The following BBOX1 variants were observed in gnomAD, a reference collection of about 807,000 sequenced individuals.
The protein encoded by BBOX1 is gamma-butyrobetaine hydroxylase 1.
Under a neutral mutation model 41.6 loss-of-function variants are expected in BBOX1, and 35 were observed. The ratio of observed to expected loss-of-function variants is 0.84; its 90% CI spans 0.64 to 1.11. BBOX1 has a LOEUF of 1.11. Among genes scored for constraint, BBOX1 ranks in the 50% most tolerant of loss-of-function variants. The pLI, the probability that BBOX1 is intolerant of heterozygous loss-of-function variation, is 0.00. For missense variants in BBOX1, 458 were observed against 460.6 expected (o/e 0.99, Z 0.05); for synonymous variants, 163 against 154.7 (o/e 1.05, Z -0.40).
chr11:27,127,371 A>G lies in BBOX1; in HGVS notation c.1082A>G (p.His361Arg), dbSNP rs1488604350. 5 of 1,614,182 alleles carry G rather than the reference A, an allele frequency of 3.1e-6. No individual in the cohort carries two copies. The highest frequency in any genetic ancestry group is 1.3e-5 in the African/African-American group (1 of 75,064). The change falls in exon 9 of 9, where the codon CAT becomes CGT. Residue 361 changes from histidine (H) to arginine (R), a missense_variant. By Grantham distance (29) the His-to-Arg change is conservative. Transcript: ENST00000263182. ...SYEAGTEISR[H>R]LEGAYADWDV... Reference sequence around the variant, plus strand: ...GAAGCAGGAACTGAGATATCCCGCCATCTAGAAGGAGCTTATGCTGACTGG... The same window carrying G: ...GAAGCAGGAACTGAGATATCCCGCCGTCTAGAAGGAGCTTATGCTGACTGG...
chr11:27,115,050 G>C (rs556013745), intron 5 of BBOX1, among the ~76,000 whole-genome samples: 2 of 151,788 alleles, frequency 1.3e-5, no homozygotes, highest in African/African-American at 2.4e-5. Context: ...CTATGTAGAG[G>C]TGGTGGTTGC....
At chr11:27,085,662 C>T (rs1346883311) in intron 4 of BBOX1, among the ~76,000 whole-genome samples, 1 of 151,714 alleles carries the variant, frequency 6.6e-6, no homozygotes, top group African/African-American at 2.4e-5. Context: ...CCACAATGAC[C>T]TCTAAGTCTT....
At position 27,066,193 on chromosome 11, in the gene BBOX1, T is replaced by C. The variant is rs1381900100; in HGVS notation, c.334+8878T>C. Among the ~76,000 whole-genome samples, 5 of 152,160 alleles carry C rather than the reference T, an allele frequency of 3.3e-5. No individual in the cohort carries two copies. The East Asian group carries it at 9.6e-4, about 29-fold the overall frequency. ...GCTCCATTTCTACAAGCTAGGCTTT[T>C]TTGTGTTTTTGTGTGTGTGGTTTTT... On this transcript the variant is annotated intron_variant, in intron 4 of 8. Coordinates refer to ENST00000263182, the MANE Select transcript of BBOX1 (RefSeq NM_003986.3).
Position 27,127,324 on chromosome 11 carries a change from ACT to A in BBOX1, c.1036_1037del (p.Leu346SerfsTer5). 1 of 1,614,044 alleles carries A rather than the reference ACT, an allele frequency of 6.2e-7. No individual in the cohort carries two copies. The highest frequency in any genetic ancestry group is 8.5e-7 in the Non-Finnish European group (1 of 1,179,974). ...TGATTACTTTTGATAACTGGCGCTT[ACT>A]TCATGGCCGACGTAGCTATGAAGCA... ...DVITFDNWRL[L>X]HGRRSYEAGT... On this transcript the variant is annotated frameshift_variant, in exon 9 of 9. Coordinates refer to ENST00000263182, the MANE Select transcript of BBOX1 (RefSeq NM_003986.3). LOFTEE classifies it high-confidence loss of function.
chr11:27,076,024 G>T (rs773013210), intron 4 of BBOX1, among the ~76,000 whole-genome samples: 12 of 152,200 alleles, frequency 7.9e-5, no homozygotes, highest in Non-Finnish European at 1.6e-4. Flanking sequence ...GGGACTCAAG[G>T]CCTGCCATCC....
At chr11:27,094,952 T>C (rs1179210901) in intron 5 of BBOX1, among the ~76,000 whole-genome samples, 2 of 151,960 alleles carry the variant, frequency 1.3e-5, no homozygotes, top group Admixed American at 6.6e-5. Context: ...AACTGTATTA[T>C]GTATTGTTCA....
intron 4 of BBOX1, among the ~76,000 whole-genome samples, chr11:27,064,247 G>T (rs1857217236): frequency 6.6e-6 from 1 of 151,728 alleles, no homozygotes; most frequent in Admixed American, 6.6e-5. Flanking sequence ...CAGTATCAGG[G>T]CTGCCAGGTC....
At position 27,055,515 on chromosome 11, in the gene BBOX1, T is replaced by C; in HGVS notation, c.85T>C (p.Tyr29His). ...CTGGTATGATGAGGAAGAGTCTCTC[T>C]ACCCAGCTGTATGGTTGAGAGACAA... Reference protein sequence around the residue: ...ILWYDEEESLYPAVWLRDNCP... With the variant: ...ILWYDEEESLHPAVWLRDNCP... The change falls in exon 3 of 9, where the codon TAC becomes CAC. Residue 29 changes from tyrosine (Y) to histidine (H), a missense_variant. Tyr to His is a moderately conservative substitution (Grantham distance 83). Transcript: ENST00000263182. 4 of 1,614,200 alleles carry C rather than the reference T, an allele frequency of 2.5e-6. No individual in the cohort carries two copies. Among genetic ancestry groups the C allele is most frequent in the Non-Finnish European group, 3.4e-6 (4 of 1,180,018 alleles).
At chr11:27,117,082 C>T (rs951477970) in intron 6 of BBOX1, among the ~76,000 whole-genome samples, 1 of 151,892 alleles carries the variant, frequency 6.6e-6, no homozygotes, top group African/African-American at 2.4e-5. Context: ...TTTTATTACA[C>T]CAAAAATAAG....
chr11:27,044,710 T>C (rs1441804802), intron 2 of BBOX1, among the ~76,000 whole-genome samples: 1 of 152,198 alleles, frequency 6.6e-6, no homozygotes, highest in Non-Finnish European at 1.5e-5. Context: ...CCATTGCTTG[T>C]TTTTGTCAGG....
At chr11:27,106,560 A>G (rs1249308577) in intron 5 of BBOX1, among the ~76,000 whole-genome samples, 3 of 152,202 alleles carry the variant, frequency 2.0e-5, no homozygotes, top group African/African-American at 7.2e-5. Flanking sequence ...ATATGTACCC[A>G]ATACAGGAGC....
chr11:27,127,504 A>T lies in BBOX1; in HGVS notation c.*51A>T, dbSNP rs775524549. On this transcript the variant is annotated 3_prime_UTR_variant, in exon 9 of 9. Coordinates refer to ENST00000263182, the MANE Select transcript of BBOX1 (RefSeq NM_003986.3). ...GATTCCAATGACCATATTTTGTGAG[A>T]TATGGCACATTATTCACAGACCATG... 7.1e-6 allele frequency: 11 copies of T among 1,545,962 alleles called. No homozygotes were observed. In the South Asian group the frequency reaches 1.2e-4, roughly 17 times the overall value.
At chr11:27,104,625 T>C (rs148450882) in intron 5 of BBOX1, among the ~76,000 whole-genome samples, 1 of 152,286 alleles carries the variant, frequency 6.6e-6, no homozygotes, top group Non-Finnish European at 1.5e-5. Context: ...GTTATCTTCG[T>C]TTCTCTAGTT....
chr11:27,119,715 A>G lies in BBOX1; in HGVS notation c.706A>G (p.Asn236Asp). 6.2e-7 allele frequency: 1 copy of G among 1,604,726 alleles called. No individual in the cohort carries two copies. Among genetic ancestry groups the G allele is most frequent in the Non-Finnish European group, 8.5e-7 (1 of 1,177,074 alleles). Reference protein sequence around the residue: ...GGDSEIVDGFNVCQKLKKNNP... With the variant: ...GGDSEIVDGFDVCQKLKKNNP... The stretch of plus-strand genomic sequence containing the variant: ...TGATTCAGAAATTGTAGATGGGTTT[A>G]ATGTGTGCCAAAAACTAAAGAAAAA... Residue 236 changes from asparagine (N) to aspartate (D), a missense_variant, in exon 7 of 9, where the codon AAT (asparagine) becomes GAT (aspartate). Coordinates refer to ENST00000263182, the MANE Select transcript of BBOX1 (RefSeq NM_003986.3).
At chr11:27,102,436 C>T (rs1384208120) in intron 5 of BBOX1, among the ~76,000 whole-genome samples, 1 of 152,032 alleles carries the variant, frequency 6.6e-6, no homozygotes, top group Non-Finnish European at 1.5e-5. Flanking sequence ...TGCCAGCCAC[C>T]CCAAAACCCA....
chr11:27,058,207 C>G (rs537789434), intron 4 of BBOX1, among the ~76,000 whole-genome samples: 41 of 152,284 alleles, frequency 2.7e-4, no homozygotes, highest in African/African-American at 8.9e-4. Flanking sequence ...CCTCATGTGA[C>G]CTGCCTGCTC....
chr11:27,063,412 G>C (rs1318189046), intron 4 of BBOX1, among the ~76,000 whole-genome samples: 8 of 151,906 alleles, frequency 5.3e-5, no homozygotes, highest in Non-Finnish European at 1.0e-4. Flanking sequence ...TCACTATATA[G>C]TATGATATAC....
At chr11:27,078,732 T>C (rs950894531) in intron 4 of BBOX1, among the ~76,000 whole-genome samples, 13 of 152,172 alleles carry the variant, frequency 8.5e-5, no homozygotes, top group African/African-American at 3.1e-4. Context: ...GAGTGCACTA[T>C]ATCAAGAAAG....
At chr11:27,064,064 C>T (rs1302805262) in intron 4 of BBOX1, among the ~76,000 whole-genome samples, 4 of 152,116 alleles carry the variant, frequency 2.6e-5, no homozygotes, top group African/African-American at 7.2e-5. Flanking sequence ...GATATTTTGC[C>T]CCCATCTCTA....
Sources: gnomAD v4.1 joint callset for allele counts (sites outside exome capture counted in the v4.1 genomes callset) on GRCh38, gnomAD v4.1.1 for gene constraint, MANE v1.5 for transcripts, NCBI Gene and HGNC (gene_info 2026-07-23, HGNC 2026-07-21) for gene names.